The following ALG10B variants were observed in gnomAD, a reference collection of about 807,000 sequenced individuals.
The protein encoded by ALG10B is dol-P-Glc:Glc(2)Man(9)GlcNAc(2)-PP-Dol alpha-1,2-glucosyltransferase B.
ALG10B carries 27 observed loss-of-function variants against 38.7 expected under a neutral mutation model. The ratio of observed to expected loss-of-function variants is 0.70; its 90% CI spans 0.51 to 0.96. The LOEUF (loss-of-function observed/expected upper bound fraction) is 0.96, where lower values mean the gene tolerates loss of function less well. ALG10B is among the 40% of genes least tolerant of loss of function. The pLI, the probability that ALG10B is intolerant of heterozygous loss-of-function variation, is 0.00. For synonymous variants in ALG10B, 177 were observed against 193.3 expected (o/e 0.92, Z 0.70); for missense variants, 522 against 542.7 (o/e 0.96, Z 0.38).
chr12:38,316,961 T>G lies in ALG10B; in HGVS notation c.68T>G (p.Leu23Arg). 1 of 1,614,166 alleles carries G rather than the reference T, an allele frequency of 6.2e-7. No individual in the cohort carries two copies. Among genetic ancestry groups the G allele is most frequent in the Non-Finnish European group, 8.5e-7 (1 of 1,180,026 alleles). ...TGTACCTTTTTAGTGTCCTGCCTCC[T>G]CTTCTCCGCCTTCAGCCGGGCGCTG... ...LSCTFLVSCL[L>R]FSAFSRALRE... is the part of the protein sequence containing the mutation. The change falls in exon 1 of 3, where the codon CTC (leucine) becomes CGC (arginine). Residue 23 changes from leucine (L) to arginine (R), a missense_variant. Coordinates refer to ENST00000308742, the MANE Select transcript of ALG10B (RefSeq NM_001013620.4).
chr12:38,320,255 G>T lies in ALG10B; in HGVS notation c.464G>T (p.Gly155Val). 3 of 1,613,876 alleles carry T rather than the reference G, an allele frequency of 1.9e-6. No individual in the cohort carries two copies. The highest frequency in any genetic ancestry group is 2.5e-6 in the Non-Finnish European group (3 of 1,179,898). The change falls in exon 3 of 3, where the codon GGA becomes GTA. Residue 155 changes from glycine (G) to valine (V), a missense_variant. Transcript: ENST00000308742. Reference protein sequence around the residue: ...FFNFLYYTEAGSMFFTLFAYL... With the variant: ...FFNFLYYTEAVSMFFTLFAYL... Reference sequence around the variant, plus strand: ...AACTTCCTTTATTATACAGAAGCAGGATCTATGTTTTTTACTCTTTTTGCA... The same window carrying T: ...AACTTCCTTTATTATACAGAAGCAGTATCTATGTTTTTTACTCTTTTTGCA...
rs1945703411 is a variant in ALG10B, at chr12:38,321,318, G to A, written c.*105G>A. On this transcript the variant is annotated 3_prime_UTR_variant, in exon 3 of 3. Transcript: ENST00000308742. ...CATGGAATTTCTTTTAGGTGCAGTG[G>A]TGGTCCTCAAATTACATTAGTTTTT... 1 of 1,188,122 alleles carries A rather than the reference G, an allele frequency of 8.4e-7. No individual in the cohort carries two copies. The highest frequency in any genetic ancestry group is 1.2e-6 in the Non-Finnish European group (1 of 855,196). The allele number at this position is 1,188,122 out of a possible 1,614,324, so 73.6% of individuals were successfully genotyped here. A position where few individuals can be genotyped will look rare whatever the true frequency, so the allele number is the denominator to read the frequency against.
Position 38,316,976 on chromosome 12 carries a change from G to C in ALG10B, c.83G>C (p.Ser28Thr), listed in dbSNP as rs769896715. The C allele has an allele frequency of 1.9e-6, 3 of 1,614,044 alleles. No individual in the cohort carries two copies. The highest frequency in any genetic ancestry group is 2.7e-5 in the African/African-American group (2 of 74,924). Residue 28 changes from serine (S) to threonine (T), a missense_variant, in exon 1 of 3, where the codon AGC (serine) becomes ACC (threonine). Physicochemically the swap from Ser to Thr is moderately conservative, Grantham distance 58 (BLOSUM62 1). Coordinates refer to ENST00000308742, the MANE Select transcript of ALG10B (RefSeq NM_001013620.4). ...TCCTGCCTCCTCTTCTCCGCCTTCA[G>C]CCGGGCGCTGCGAGAGCCCTACATG... is the stretch of plus-strand genomic sequence containing the variant. Reference protein sequence around the residue: ...LVSCLLFSAFSRALREPYMDE... With the variant: ...LVSCLLFSAFTRALREPYMDE...
In ALG10B at chr12:38,321,716, T is replaced by C. The variant is rs1945706736; in HGVS notation, c.*503T>C. 1 of 152,636 alleles carries C rather than the reference T, an allele frequency of 6.6e-6. No individual in the cohort carries two copies. The highest frequency in any genetic ancestry group is 6.5e-5 in the Admixed American group (1 of 15,270). 9.5% of individuals were successfully genotyped at this position (152,636 alleles called of 1,614,324 possible). A position where few individuals can be genotyped will look rare whatever the true frequency, so the allele number is the denominator to read the frequency against. The stretch of plus-strand genomic sequence containing the variant: ...GTGATATTCTTGACTGAAAAGTTCC[T>C]TAACATTTCAGTAAATATAATTTTA... On this transcript the variant is annotated 3_prime_UTR_variant, in exon 3 of 3. Transcript: ENST00000308742.
In ALG10B at chr12:38,316,806, C is replaced by T; in HGVS notation, c.-88C>T. On this transcript the variant is annotated 5_prime_UTR_variant, in exon 1 of 3. Transcript: ENST00000308742. The stretch of plus-strand genomic sequence containing the variant: ...CGTCTGGCTAGTCCTGTCTAGCGCG[C>T]CCATTTCGAGCCCAAGTTTCCAGCT... The T allele has an allele frequency of 6.2e-7, 1 of 1,609,824 alleles. No individual in the cohort carries two copies. The highest frequency in any genetic ancestry group is 8.5e-7 in the Non-Finnish European group (1 of 1,177,550).
rs376126647 is a variant in ALG10B at position 38,316,935 on chromosome 12, C to A, written c.42C>A (p.Ser14Arg). 1 of 1,614,194 alleles carries A rather than the reference C, an allele frequency of 6.2e-7. No homozygotes were observed. The highest frequency in any genetic ancestry group is 8.5e-7 in the Non-Finnish European group (1 of 1,180,034). The stretch of plus-strand genomic sequence containing the variant: ...GTTACTGTTTCTCGGCCGCCTTGAG[C>A]TGTACCTTTTTAGTGTCCTGCCTCC... The part of the protein sequence containing the change: ...LEGYCFSAAL[S>R]CTFLVSCLLF... Residue 14 changes from serine to arginine, a missense_variant, in exon 1 of 3, where the codon AGC becomes AGA. Coordinates refer to ENST00000308742, the MANE Select transcript of ALG10B (RefSeq NM_001013620.4).
In ALG10B at chr12:38,317,049, T is replaced by C. The variant is rs746847185; in HGVS notation, c.156T>C (p.His52=). 1.2e-6 allele frequency: 2 copies of C among 1,614,134 alleles called. No homozygotes were observed. Among genetic ancestry groups the C allele is most frequent in the African/African-American group, 1.3e-5 (1 of 75,040 alleles). ...AGGCGCAGCGCTACTGTGAGGGCCA[T>C]TTCTCCCTTTCCCAGGTGGGGTGCC... is the stretch of plus-strand genomic sequence containing the variant. ...LPQAQRYCEG[H]FSLSQWDPMI... The change falls in exon 1 of 3, where the codon CAT becomes CAC. Residue 52 remains histidine, a synonymous_variant. Transcript: ENST00000308742.
chr12:38,317,190 A>C (rs1591935442), intron 1 of ALG10B, 126 bp downstream of exon 1: 2 of 1,329,666 alleles, frequency 1.5e-6, no homozygotes, highest in Admixed American at 4.3e-5. Context: ...AACATGAAAG[A>C]AACTGGGTAT....
chr12:38,316,771 T>A (rs12304754), upstream of ALG10B: 11,334 of 1,523,034 alleles, frequency 7.4e-3, 765 homozygotes, highest in African/African-American at 0.14. Flanking sequence ...TGCCTTCCGG[T>A]ATGTGGCCCC....
At position 38,320,877 on chromosome 12, in the gene ALG10B, T is replaced by C. The variant is rs780465104; in HGVS notation, c.1086T>C (p.Val362=). 8.7e-6 allele frequency: 14 copies of C among 1,613,664 alleles called. No individual in the cohort carries two copies. The highest frequency in any genetic ancestry group is 9.3e-6 in the Non-Finnish European group (11 of 1,179,874). ...RHYTFYVWKR[V]FQRYAILKYL... ...ATACTTTCTATGTGTGGAAAAGAGTTTTTCAAAGATATGCAATTCTGAAAT... is the reference window on the plus strand; with the variant it reads ...ATACTTTCTATGTGTGGAAAAGAGTCTTTCAAAGATATGCAATTCTGAAAT... The change falls in exon 3 of 3, where the codon GTT becomes GTC. Residue 362 remains valine (V), a synonymous_variant. Coordinates refer to ENST00000308742, the MANE Select transcript of ALG10B (RefSeq NM_001013620.4).
chr12:38,318,191 G>A (rs1281350871), intron 1 of ALG10B, 70 bp from the exon 2 acceptor site: 1 of 1,580,040 alleles, frequency 6.3e-7, no homozygotes, highest in Non-Finnish European at 8.7e-7. Flanking sequence ...TGAGACTTGG[G>A]CTTGACATAT....
chr12:38,317,382 C>T (rs1166679356), intron 1 of ALG10B: 1 of 395,664 alleles, frequency 2.5e-6, no homozygotes, highest in Non-Finnish European at 4.6e-6. Context: ...TAAAGGCATT[C>T]GGGTGCTCCT....
Position 38,324,531 on chromosome 12 carries a change from T to C in ALG10B, c.*3318T>C, listed in dbSNP as rs966370440. 1.3e-5 allele frequency: 2 copies of C among 152,270 alleles called. No homozygotes were observed. The highest frequency in any genetic ancestry group is 4.8e-5 in the African/African-American group (2 of 41,466). The allele number at this position is 152,270 out of a possible 1,614,324, so 9.4% of individuals were successfully genotyped here. On this transcript the variant is annotated 3_prime_UTR_variant, in exon 3 of 3. Coordinates refer to ENST00000308742, the MANE Select transcript of ALG10B (RefSeq NM_001013620.4). Reference sequence around the variant, plus strand: ...ATTTATTATTTTAAAACAGGAATGCTTATCAATACTTTCGAATTTAAGATA... The same window carrying C: ...ATTTATTATTTTAAAACAGGAATGCCTATCAATACTTTCGAATTTAAGATA...
rs373473655 is a variant in ALG10B at position 38,321,191 on chromosome 12, A to G, written c.1400A>G (p.Asp467Gly). Residue 467 changes from aspartate to glycine, a missense_variant, in exon 3 of 3, where the codon GAC becomes GGC. Coordinates refer to ENST00000308742, the MANE Select transcript of ALG10B (RefSeq NM_001013620.4). ...ACTTTTCAGTGGCCAAATAGTCAGG[A>G]CATTCAAAGGTTTATGTGGTAATAT... Reference protein sequence around the residue: ...NKTFQWPNSQDIQRFMW With the variant: ...NKTFQWPNSQGIQRFMW 34 of 1,612,248 alleles carry G rather than the reference A, an allele frequency of 2.1e-5. No individual in the cohort carries two copies. Among genetic ancestry groups the G allele is most frequent in the Non-Finnish European group, 2.9e-5 (34 of 1,179,258 alleles).
At position 38,318,428 on chromosome 12, in the gene ALG10B, G is replaced by C; in HGVS notation, c.339G>C (p.Leu113Phe). 1.2e-6 allele frequency: 2 copies of C among 1,614,002 alleles called. No individual in the cohort carries two copies. The highest frequency in any genetic ancestry group is 1.7e-6 in the Non-Finnish European group (2 of 1,179,994). ...FSVGNFYLLY[L>F]LFHKVQPRNK... Reference sequence around the variant, plus strand: ...TTGGCAACTTCTATTTACTATATTTGCTTTTCCACAAGGTACAACCCAGAA... The same window carrying C: ...TTGGCAACTTCTATTTACTATATTTCCTTTTCCACAAGGTACAACCCAGAA... Residue 113 changes from leucine to phenylalanine, a missense_variant, in exon 2 of 3, where the codon TTG (leucine) becomes TTC (phenylalanine). Physicochemically the swap from Leu to Phe is conservative, Grantham distance 22. Coordinates refer to ENST00000308742, the MANE Select transcript of ALG10B (RefSeq NM_001013620.4).
chr12:38,325,176 A>G lies in ALG10B; in HGVS notation c.*3963A>G, dbSNP rs1284387833. 1 of 152,236 alleles carries G rather than the reference A, an allele frequency of 6.6e-6. No homozygotes were observed. Among genetic ancestry groups the G allele is most frequent in the East Asian group, 1.9e-4 (1 of 5,206 alleles). The allele number at this position is 152,236 out of a possible 1,614,324, so 9.4% of individuals were successfully genotyped here. ...CTATGTATTTAAATGATTTGGAAAGATAGCATCTCTCAGTTTAAACTTAGC... is the reference window on the plus strand; with the variant it reads ...CTATGTATTTAAATGATTTGGAAAGGTAGCATCTCTCAGTTTAAACTTAGC... On this transcript the variant is annotated 3_prime_UTR_variant, in exon 3 of 3. Coordinates refer to ENST00000308742, the MANE Select transcript of ALG10B (RefSeq NM_001013620.4).
rs1945737006 is a variant in ALG10B at position 38,325,543 on chromosome 12, A to G, written c.*4330A>G. On this transcript the variant is annotated 3_prime_UTR_variant, in exon 3 of 3. Coordinates refer to ENST00000308742, the MANE Select transcript of ALG10B (RefSeq NM_001013620.4). ...AAATAAATTTTGTGTTTATTAGGTT[A>G]GCAAGCGTTTATTATCTTTGAAGTA... 1 of 152,226 alleles carries G rather than the reference A, an allele frequency of 6.6e-6. No individual in the cohort carries two copies. The highest frequency in any genetic ancestry group is 1.5e-5 in the Non-Finnish European group (1 of 68,028). The allele number at this position is 152,226 out of a possible 1,614,324, so 9.4% of individuals were successfully genotyped here.
rs760382611 is a variant in ALG10B, at chr12:38,322,118, T to C, written c.*905T>C. The C allele has an allele frequency of 6.6e-6, 1 of 152,192 alleles. No individual in the cohort carries two copies. Among genetic ancestry groups the C allele is most frequent in the Non-Finnish European group, 1.5e-5 (1 of 68,036 alleles). The allele number at this position is 152,192 out of a possible 1,614,324, so 9.4% of individuals were successfully genotyped here. A position where few individuals can be genotyped will look rare whatever the true frequency, so the allele number is the denominator to read the frequency against. ...TCCATTCTATGTCTGTTTCCTAATA[T>C]CTTGTGGCTGTCTGCAATTCTTGGA... On this transcript the variant is annotated 3_prime_UTR_variant, in exon 3 of 3. Coordinates refer to ENST00000308742, the MANE Select transcript of ALG10B (RefSeq NM_001013620.4).
chr12:38,320,154 C>T lies in ALG10B; in HGVS notation c.370-7C>T. On this transcript the variant is annotated splice_region_variant and splice_polypyrimidine_tract_variant and intron_variant, in intron 2 of 2. Transcript: ENST00000308742. ...ATAATTGTATCTGTGTTTTTTCTTC[C>T]TCCAAGGCTGCCTCAAGTATCCAGA... 5 of 1,613,744 alleles carry T rather than the reference C, an allele frequency of 3.1e-6. No homozygotes were observed. Among genetic ancestry groups the T allele is most frequent in the Non-Finnish European group, 4.2e-6 (5 of 1,179,794 alleles).
Sources: gnomAD v4.1 joint callset for allele counts on GRCh38, gnomAD v4.1.1 for gene constraint, MANE v1.5 for transcripts, NCBI Gene and HGNC (gene_info 2026-07-23, HGNC 2026-07-21) for gene names.